TMTC1: variants seen among roughly 807,000 people sequenced by gnomAD.
The protein encoded by TMTC1 is transmembrane O-mannosyltransferase targeting cadherins 1, also known as protein O-mannosyl-transferase TMTC1.
A neutral mutation model predicts 104.8 loss-of-function variants in TMTC1; 73 were observed. The ratio of observed to expected loss-of-function variants is 0.70; its 90% CI spans 0.58 to 0.85. TMTC1 has a LOEUF of 0.85. Ranked by LOEUF, TMTC1 falls within the 40% of genes least tolerant of loss-of-function variation. TMTC1 has a pLI of 0.00. For synonymous variants in TMTC1, 434 were observed against 428.7 expected (o/e 1.01, Z -0.15); for missense variants, 1,035 against 1,096.1 (o/e 0.94, Z 0.79).
At chr12:29,529,097 C>T (rs558257699) in intron 11 of TMTC1, among the ~76,000 whole-genome samples, 1 of 152,184 alleles carries the variant, frequency 6.6e-6, no homozygotes, top group South Asian at 2.1e-4. Flanking sequence ...GCAAAGGAGA[C>T]AGTATTTTAA....
intron 5 of TMTC1, among the ~76,000 whole-genome samples, chr12:29,670,836 TGG>T (rs1041345590): frequency 6.1e-5 from 9 of 146,348 alleles, no homozygotes; most frequent in African/African-American, 2.3e-4. Flanking sequence ...GAAACTGAGG[TGG>T]GAGGATTGCT....
chr12:29,678,981 C>T (rs2136707114), intron 5 of TMTC1, among the ~76,000 whole-genome samples: 1 of 152,178 alleles, frequency 6.6e-6, no homozygotes, highest in Admixed American at 6.5e-5. Context: ...ACACTCAAAT[C>T]CGAAATGCAC....
intron 8 of TMTC1, among the ~76,000 whole-genome samples, chr12:29,575,737 T>A (rs1349847610): frequency 2.0e-5 from 3 of 152,210 alleles, no homozygotes; most frequent in African/African-American, 7.2e-5. Context: ...GAGATACTGA[T>A]TTCATTTCCT....
intron 5 of TMTC1, among the ~76,000 whole-genome samples, chr12:29,689,219 T>A (rs535962307): frequency 1.3e-5 from 2 of 152,160 alleles, no homozygotes; most frequent in East Asian, 1.9e-4. Flanking sequence ...CCCGAATTCA[T>A]TTAAATGAGA....
At chr12:29,721,711 T>A (rs543001827) in intron 5 of TMTC1, among the ~76,000 whole-genome samples, 2 of 152,114 alleles carry the variant, frequency 1.3e-5, no homozygotes, top group Non-Finnish European at 2.9e-5. Flanking sequence ...CCAGCACTTT[T>A]TAAAAATTTT....
Position 29,556,885 on chromosome 12 carries a change from C to G in TMTC1, c.1648G>C (p.Ala550Pro), listed in dbSNP as rs769580729. 1.2e-6 allele frequency: 2 copies of G among 1,613,982 alleles called. No homozygotes were observed. The highest frequency in any genetic ancestry group is 1.7e-5 in the Admixed American group (1 of 59,992). The change falls in exon 10 of 18, where the codon GCT becomes CCT. Residue 550 changes from alanine to proline, a missense_variant. By Grantham distance (27) the Ala-to-Pro change is conservative. Coordinates refer to ENST00000539277, the MANE Select transcript of TMTC1 (RefSeq NM_001193451.2). ...AGGAGATTCCCCAGATTGAAAAGAGCCCGGTTATGCTGTGGATGGAGCTGG... is the reference window on the plus strand; with the variant it reads ...AGGAGATTCCCCAGATTGAAAAGAGGCCGGTTATGCTGTGGATGGAGCTGG... The part of the protein sequence containing the change: ...ALQLHPQHNR[A>P]LFNLGNLLKS...
chr12:29,655,899 AT>A (rs1449157192), intron 5 of TMTC1, among the ~76,000 whole-genome samples: 1 of 152,236 alleles, frequency 6.6e-6, no homozygotes, highest in East Asian at 1.9e-4. Flanking sequence ...ATAACTTATT[AT>A]ACCTACTTTA....
At chr12:29,589,530 A>G (rs890354460) in intron 7 of TMTC1, among the ~76,000 whole-genome samples, 1 of 152,188 alleles carries the variant, frequency 6.6e-6, no homozygotes, top group Admixed American at 6.5e-5. Flanking sequence ...ACCTCATCAC[A>G]CAACATCACC....
chr12:29,540,675 C>T (rs1429621369), intron 10 of TMTC1, among the ~76,000 whole-genome samples: 1 of 22,918 alleles, frequency 4.4e-5, no homozygotes, highest in East Asian at 1.2e-3. Flanking sequence ...ATAATTGCTG[C>T]ATTCGTTTAA....
intron 6 of TMTC1, among the ~76,000 whole-genome samples, chr12:29,604,519 C>T (rs1946647930): frequency 1.3e-5 from 2 of 152,162 alleles, no homozygotes; most frequent in Admixed American, 1.3e-4. Flanking sequence ...ACATTTGCCA[C>T]CCAGAAACAT....
At chr12:29,622,132 G>A (rs1348305459) in intron 6 of TMTC1, among the ~76,000 whole-genome samples, 1 of 152,176 alleles carries the variant, frequency 6.6e-6, no homozygotes, top group Non-Finnish European at 1.5e-5. Context: ...ATTCTCAAAA[G>A]ACATCTCATG....
At chr12:29,748,668 A>G (rs1372818278) in intron 5 of TMTC1, among the ~76,000 whole-genome samples, 1 of 152,228 alleles carries the variant, frequency 6.6e-6, no homozygotes, top group Non-Finnish European at 1.5e-5. Flanking sequence ...CACATGGGAC[A>G]TGCTAGCCCC....
At chr12:29,545,793 T>C (rs528132156) in intron 10 of TMTC1, among the ~76,000 whole-genome samples, 1 of 152,266 alleles carries the variant, frequency 6.6e-6, no homozygotes, top group East Asian at 1.9e-4. Context: ...GACCTGAGTT[T>C]CAAATTGAAA....
At chr12:29,552,734 T>G (rs931567241) in intron 10 of TMTC1, among the ~76,000 whole-genome samples, 2 of 152,268 alleles carry the variant, frequency 1.3e-5, no homozygotes, top group South Asian at 2.1e-4. Context: ...TCTAAAGAGA[T>G]AACTTGGATT....
intron 5 of TMTC1, among the ~76,000 whole-genome samples, chr12:29,690,997 C>T (rs972609991): frequency 6.6e-6 from 1 of 152,220 alleles, no homozygotes; most frequent in Admixed American, 6.5e-5. Context: ...GGAAGGAATT[C>T]AGTTCATAGT....
chr12:29,515,985 C>A (rs902868471), intron 15 of TMTC1, among the ~76,000 whole-genome samples: 1 of 149,490 alleles, frequency 6.7e-6, no homozygotes, highest in African/African-American at 2.5e-5. Context: ...TTATGTAATC[C>A]TCATAACAAC....
chr12:29,665,043 A>G (rs1470684824), intron 5 of TMTC1, among the ~76,000 whole-genome samples: 2 of 152,184 alleles, frequency 1.3e-5, no homozygotes, highest in Non-Finnish European at 2.9e-5. Context: ...GTTAGACCAA[A>G]TGGTCTCAGG....
intron 5 of TMTC1, among the ~76,000 whole-genome samples, chr12:29,726,845 T>C (rs1346579859): frequency 6.6e-6 from 1 of 152,214 alleles, no homozygotes; most frequent in African/African-American, 2.4e-5. Flanking sequence ...AGAAATTAAA[T>C]GTAAACATAA....
upstream of TMTC1, among the ~76,000 whole-genome samples, chr12:29,784,049 C>T (rs929725714): frequency 1.4e-4 from 21 of 151,892 alleles, no homozygotes; most frequent in Admixed American, 8.5e-4. Flanking sequence ...CGGGCCGGTT[C>T]CCCCGCACAG....
Sources: allele counts gnomAD v4.1 joint callset (sites outside exome capture counted in the v4.1 genomes callset), GRCh38; gene constraint gnomAD v4.1.1; transcripts MANE v1.5; gene names NCBI Gene and HGNC (gene_info 2026-07-23, HGNC 2026-07-21).